The following FBLN1 variants were observed in gnomAD, a reference collection of about 807,000 sequenced individuals.
The protein encoded by FBLN1 is fibulin-1.
In FBLN1, 34 loss-of-function variants were observed where a neutral mutation model predicts 89.7. The ratio of observed to expected loss-of-function variants is 0.38; its 90% CI spans 0.29 to 0.50. The LOEUF is 0.50. Ranked by LOEUF, FBLN1 falls within the 20% of genes least tolerant of loss-of-function variation. The pLI is 0.92. For missense variants in FBLN1, 777 were observed against 988.1 expected (o/e 0.79, Z 2.86); for synonymous variants, 393 against 391.3 (o/e 1.00, Z -0.05).
chr22:45,571,811 G>A (rs1238597314), intron 14 of FBLN1, among the ~76,000 whole-genome samples: 1 of 152,072 alleles, frequency 6.6e-6, no homozygotes, highest in Non-Finnish European at 1.5e-5. Context: ...TATCCAGACT[G>A]GTCTTGATAA....
chr22:45,549,998 A>G lies in FBLN1; in HGVS notation c.1574-494A>G, dbSNP rs2088681201. ...TAAGAGGTTGAGTCACACCTAGGGT[A>G]AGGGTGCTGAGCCTCGGGAGCCACA... On this transcript the variant is annotated intron_variant, in intron 13 of 16. Coordinates refer to ENST00000327858, the MANE Select transcript of FBLN1 (RefSeq NM_006486.3). This position sits in a 1 kb window ranked among gnomAD's most constrained non-coding sequence, Gnocchi z 5.7. Among the ~76,000 whole-genome samples, 1 of 152,128 alleles carries G rather than the reference A, an allele frequency of 6.6e-6. No individual in the cohort carries two copies. The highest frequency in any genetic ancestry group is 6.5e-5 in the Admixed American group (1 of 15,278).
intron 10 of FBLN1, among the ~76,000 whole-genome samples, chr22:45,542,571 A>G (rs977566816): frequency 2.6e-5 from 4 of 152,172 alleles, no homozygotes; most frequent in Non-Finnish European, 4.4e-5. Context: ...AGCCAGGTCT[A>G]CACATGTGGG....
At position 45,597,639 on chromosome 22, in the gene FBLN1, T is replaced by C. The variant is rs974139055; in HGVS notation, c.1973-2668T>C. Among the ~76,000 whole-genome samples, 2 of 152,134 alleles carry C rather than the reference T, an allele frequency of 1.3e-5. No homozygotes were observed. Among genetic ancestry groups the C allele is most frequent in the Non-Finnish European group, 2.9e-5 (2 of 68,014 alleles). On this transcript the variant is annotated intron_variant, in intron 16 of 16. Coordinates refer to ENST00000327858, the MANE Select transcript of FBLN1 (RefSeq NM_006486.3). This position sits in a 1 kb window ranked among gnomAD's most constrained non-coding sequence, Gnocchi z 4.2. ...GGCAGGAGTGACCCCGTCATCAGGT[T>C]CTGCTGGCGAGCCCAGGGTGGTGAC...
At chr22:45,587,754 T>G (rs1371830401) in intron 16 of FBLN1, among the ~76,000 whole-genome samples, 1 of 152,180 alleles carries the variant, frequency 6.6e-6, no homozygotes, top group Non-Finnish European at 1.5e-5. Context: ...CCATGGCCTC[T>G]CTCCTCTCCT....
chr22:45,551,722 T>C (rs538842812), intron 14 of FBLN1, among the ~76,000 whole-genome samples: 52 of 152,358 alleles, frequency 3.4e-4, no homozygotes, highest in African/African-American at 1.3e-3. Flanking sequence ...CTCATGGTTA[T>C]GCAACAGCCT....
At chr22:45,519,777 C>T (rs76809903) in intron 2 of FBLN1, among the ~76,000 whole-genome samples, 14,005 of 152,220 alleles carry the variant, frequency 0.092, 1,231 homozygotes, top group African/African-American at 0.23. Flanking sequence ...CCGGGAAGGA[C>T]AAGGGCTGGG....
chr22:45,547,727 C>T (rs2088650898), intron 12 of FBLN1, among the ~76,000 whole-genome samples: 1 of 152,014 alleles, frequency 6.6e-6, no homozygotes, highest in South Asian at 2.1e-4. Flanking sequence ...TATACTTTTC[C>T]CATCCTTAAG....
Position 45,561,625 on chromosome 22 carries a change from T to C in FBLN1, c.1697+11010T>C, listed in dbSNP as rs2088851602. Among the ~76,000 whole-genome samples the C allele has an allele frequency of 6.6e-6, 1 of 152,152 alleles. No homozygotes were observed. The highest frequency in any genetic ancestry group is 1.5e-5 in the Non-Finnish European group (1 of 68,020). On this transcript the variant is annotated intron_variant, in intron 14 of 16. Coordinates refer to ENST00000327858, the MANE Select transcript of FBLN1 (RefSeq NM_006486.3). The surrounding 1 kb of genome is among the most constrained non-coding windows in gnomAD (Gnocchi z 4.7). ...CCAACCCCAGAAACCCCAAAACCAA[T>C]GAAAGAACTCCATCTTTAATATTCT...
chr22:45,521,776 A>T (rs150359855), intron 2 of FBLN1, among the ~76,000 whole-genome samples: 1 of 152,284 alleles, frequency 6.6e-6, no homozygotes, highest in Non-Finnish European at 1.5e-5. Context: ...AGGGCTGTGG[A>T]TGCGGGGTGT....
In FBLN1 at chr22:45,561,943, AT is replaced by A. The variant is rs1362898441; in HGVS notation, c.1697+11329del. ...TCCTATCACATTTTTCTGCCTGCTTATAGTCTAGCCGTGCTGGCAGCTGATT... is the reference window on the plus strand; with the variant it reads ...TCCTATCACATTTTTCTGCCTGCTTAAGTCTAGCCGTGCTGGCAGCTGATT... On this transcript the variant is annotated intron_variant, in intron 14 of 16. Transcript: ENST00000327858. This position sits in a 1 kb window ranked among gnomAD's most constrained non-coding sequence, Gnocchi z 4.7. Among the ~76,000 whole-genome samples, 2 of 152,178 alleles carry A rather than the reference AT, an allele frequency of 1.3e-5. No individual in the cohort carries two copies. Among genetic ancestry groups the A allele is most frequent in the Admixed American group, 6.5e-5 (1 of 15,270 alleles).
intron 1 of FBLN1, among the ~76,000 whole-genome samples, chr22:45,509,639 C>T (rs1465990573): frequency 5.9e-5 from 9 of 152,126 alleles, no homozygotes; most frequent in Non-Finnish European, 1.2e-4. Flanking sequence ...AGTAAAACTC[C>T]GTCTCTACTA....
chr22:45,543,409 G>A lies in FBLN1; in HGVS notation c.1204G>A (p.Glu402Lys), dbSNP rs1171156863. 1.2e-6 allele frequency: 2 copies of A among 1,612,806 alleles called. No individual in the cohort carries two copies. The highest frequency in any genetic ancestry group is 1.7e-6 in the Non-Finnish European group (2 of 1,179,986). Reference sequence around the variant, plus strand: ...CCACCCCTCACTTTCAGATGTCAACGAGTGCCAGCGCTACCCCGGGCGCCT... The same window carrying A: ...CCACCCCTCACTTTCAGATGTCAACAAGTGCCAGCGCTACCCCGGGCGCCT... ...GISRMCVDVNECQRYPGRLCG... is the reference protein window; with the variant it reads ...GISRMCVDVNKCQRYPGRLCG... Residue 402 changes from glutamate (E) to lysine (K), a missense_variant, in exon 11 of 17, where the codon GAG becomes AAG. Coordinates refer to ENST00000327858, the MANE Select transcript of FBLN1 (RefSeq NM_006486.3).
In FBLN1 at chr22:45,563,279, C is replaced by T. The variant is rs371726587; in HGVS notation, c.1698-11232C>T. ...TGCAGAGCTCTGAGCACTCGCTTCG[C>T]GTCGCGGGGTCTCCCTCCTGTTGCT... On this transcript the variant is annotated intron_variant, in intron 14 of 16. Coordinates refer to ENST00000327858, the MANE Select transcript of FBLN1 (RefSeq NM_006486.3). This position sits in a 1 kb window ranked among gnomAD's most constrained non-coding sequence, Gnocchi z 5.7. 29 of 1,613,426 alleles carry T rather than the reference C, an allele frequency of 1.8e-5. No individual in the cohort carries two copies. The highest frequency in any genetic ancestry group is 1.6e-4 in the East Asian group (7 of 44,884).
intron 11 of FBLN1, among the ~76,000 whole-genome samples, chr22:45,544,790 G>T (rs750886351): frequency 3.9e-5 from 6 of 152,162 alleles, no homozygotes; most frequent in Non-Finnish European, 7.3e-5. Context: ...ACAGTCTTGT[G>T]GTTCTCAGAT....
At chr22:45,565,233 A>G in intron 14 of FBLN1, 1 of 1,441,322 alleles carries the variant, frequency 6.9e-7, no homozygotes, top group Non-Finnish European at 9.2e-7. Flanking sequence ...GCTTCCTTAG[A>G]ACCTTCCATG....
At chr22:45,543,703 C>T (rs561392327) in intron 11 of FBLN1, among the ~76,000 whole-genome samples, 177 bp downstream of exon 11, 1 of 152,180 alleles carries the variant, frequency 6.6e-6, no homozygotes, top group South Asian at 2.1e-4. Flanking sequence ...CCTGCCCACC[C>T]GATTTCTCCT....
intron 14 of FBLN1, among the ~76,000 whole-genome samples, chr22:45,573,218 C>T (rs1045694807): frequency 1.3e-5 from 2 of 151,142 alleles, no homozygotes; most frequent in Admixed American, 1.3e-4. Flanking sequence ...GAGCAAAACT[C>T]CGTCTCAAAT....
Position 45,577,177 on chromosome 22 carries a change from C to T in FBLN1, c.1972+69C>T. 6.4e-7 allele frequency: 1 copy of T among 1,563,390 alleles called. No homozygotes were observed. The highest frequency in any genetic ancestry group is 8.8e-7 in the Non-Finnish European group (1 of 1,140,980). On this transcript the variant is annotated intron_variant, in intron 16 of 16. Coordinates refer to ENST00000327858, the MANE Select transcript of FBLN1 (RefSeq NM_006486.3). This position sits in a 1 kb window ranked among gnomAD's most constrained non-coding sequence, Gnocchi z 6.6. ...CTCCACCCCGAAACCCTCTCTGGCC[C>T]AGCCCAACTCCCATCTGAGTCCCCT...
chr22:45,538,759 G>A (rs1027901730), intron 8 of FBLN1, among the ~76,000 whole-genome samples: 3 of 152,114 alleles, frequency 2.0e-5, no homozygotes, highest in Admixed American at 6.5e-5. Flanking sequence ...AGCATGGTCC[G>A]TGGTGGGAAG....
Sources: gnomAD v4.1 joint callset for allele counts (sites outside exome capture counted in the v4.1 genomes callset) on GRCh38, gnomAD v4.1.1 for gene constraint, Gnocchi (gnomAD v3.1) non-coding constraint, MANE v1.5 for transcripts, NCBI Gene and HGNC (gene_info 2026-07-23, HGNC 2026-07-21) for gene names.